Variants in SORCS1 observed in about 807,000 individuals in gnomAD.
The protein encoded by SORCS1 is VPS10 domain-containing receptor SorCS1.
Under a neutral mutation model 146.1 loss-of-function variants are expected in SORCS1, and 60 were observed. The ratio of observed to expected loss-of-function variants is 0.41; its 90% CI spans 0.33 to 0.51. SORCS1 has a LOEUF of 0.51. Among genes scored for constraint, SORCS1 ranks in the 20% least tolerant of loss-of-function variants. The pLI is 0.21. For missense variants in SORCS1, 1,352 were observed against 1,487.6 expected (o/e 0.91, Z 1.50); for synonymous variants, 637 against 584.0 (o/e 1.09, Z -1.31).
chr10:107,161,846 A>G (rs965384301), intron 1 of SORCS1, among the ~76,000 whole-genome samples: 3 of 152,246 alleles, frequency 2.0e-5, no homozygotes, highest in Non-Finnish European at 4.4e-5. Context: ...TACTTAAAAA[A>G]GAAAAAGAAG....
chr10:107,153,602 G>A (rs1046631384), intron 1 of SORCS1, among the ~76,000 whole-genome samples: 3 of 152,186 alleles, frequency 2.0e-5, no homozygotes, highest in Non-Finnish European at 4.4e-5. Context: ...AACAGACAGA[G>A]TGATCTTGCT....
intron 14 of SORCS1, among the ~76,000 whole-genome samples, chr10:106,674,800 A>T (rs1589636104): frequency 6.6e-6 from 1 of 152,180 alleles, no homozygotes; most frequent in African/African-American, 2.4e-5. Flanking sequence ...TTAAATGTAC[A>T]GCTTTATTTC....
intron 3 of SORCS1, among the ~76,000 whole-genome samples, chr10:106,782,288 C>T (rs1331252388): frequency 1.3e-5 from 2 of 152,274 alleles, no homozygotes; most frequent in East Asian, 3.9e-4. Context: ...TTTTTTAAGA[C>T]AAGATCTTGC....
At chr10:106,844,279 G>C (rs896569459) in intron 2 of SORCS1, among the ~76,000 whole-genome samples, 5 of 152,018 alleles carry the variant, frequency 3.3e-5, no homozygotes, top group African/African-American at 1.2e-4. Flanking sequence ...TATATATTGT[G>C]ATGATTGTTT....
chr10:107,174,807 T>G, the SORCS1 span, among the ~76,000 whole-genome samples: 6 of 152,124 alleles, frequency 3.9e-5, no homozygotes, highest in South Asian at 1.2e-3. Flanking sequence ...AATATGATAT[T>G]GAATAGAAAT....
chr10:106,721,756 T>A (rs531035572), intron 6 of SORCS1, among the ~76,000 whole-genome samples: 26 of 152,224 alleles, frequency 1.7e-4, no homozygotes, highest in Non-Finnish European at 1.6e-4. Context: ...CTTTCCGTAG[T>A]GTTTGCTGCT....
intron 17 of SORCS1, among the ~76,000 whole-genome samples, chr10:106,666,514 C>T (rs2135424792): frequency 6.6e-6 from 1 of 152,120 alleles, no homozygotes; most frequent in Non-Finnish European, 1.5e-5. Context: ...CCACCTACCT[C>T]CATAATCGAA....
At chr10:107,065,415 TTTTCTTTCTTTC>T (rs151043663) in intron 1 of SORCS1, among the ~76,000 whole-genome samples, 25 of 120,470 alleles carry the variant, frequency 2.1e-4, no homozygotes, top group African/African-American at 4.1e-4. Flanking sequence ...TCTCTCTTTC[TTTTCTTTCTTTC>T]TTTCTTTCTT....
chr10:106,617,105 C>G (rs1048307027), intron 21 of SORCS1, among the ~76,000 whole-genome samples: 1 of 152,016 alleles, frequency 6.6e-6, no homozygotes, highest in Admixed American at 6.6e-5. Context: ...CAGGCATGTT[C>G]CACCATGCCT....
At chr10:106,671,406 G>A (rs1193517018) in intron 15 of SORCS1, 39 bp from the exon 16 acceptor site, 3 of 1,612,090 alleles carry the variant, frequency 1.9e-6, no homozygotes, top group Non-Finnish European at 2.5e-6. Flanking sequence ...TGGGCACATA[G>A]CTTGGACTTT....
At chr10:106,843,265 C>A (rs143892461) in intron 2 of SORCS1, among the ~76,000 whole-genome samples, 78 of 152,226 alleles carry the variant, frequency 5.1e-4, no homozygotes, top group Non-Finnish European at 9.7e-4. Flanking sequence ...CAACCCCCAG[C>A]CACTAGTAAC....
intron 2 of SORCS1, among the ~76,000 whole-genome samples, chr10:106,897,867 A>G (rs570672393): frequency 1.3e-5 from 2 of 152,370 alleles, no homozygotes; most frequent in African/African-American, 4.8e-5. Context: ...TGGAACAAAC[A>G]TTCGGTGTCT....
chr10:106,876,371 T>C (rs1212922543), intron 2 of SORCS1, among the ~76,000 whole-genome samples: 2 of 152,196 alleles, frequency 1.3e-5, no homozygotes, highest in South Asian at 4.1e-4. Context: ...TACCAGGTTA[T>C]AAAATTCACT....
intron 2 of SORCS1, among the ~76,000 whole-genome samples, chr10:106,952,430 C>G (rs1954728705): frequency 6.6e-6 from 1 of 152,072 alleles, no homozygotes; most frequent in East Asian, 1.9e-4. Flanking sequence ...CCCACCCAGG[C>G]CTGTCCCACT....
At chr10:107,002,234 A>G (rs559939083) in intron 1 of SORCS1, among the ~76,000 whole-genome samples, 1 of 152,230 alleles carries the variant, frequency 6.6e-6, no homozygotes, top group Non-Finnish European at 1.5e-5. Context: ...GCCATGATTC[A>G]ATTTAAAATG....
intron 1 of SORCS1, among the ~76,000 whole-genome samples, chr10:107,064,755 CTT>C (rs1285270446): frequency 1.3e-5 from 2 of 152,172 alleles, no homozygotes; most frequent in Non-Finnish European, 2.9e-5. Flanking sequence ...CTCTACAAGA[CTT>C]TATTATACAT....
intron 19 of SORCS1, among the ~76,000 whole-genome samples, chr10:106,623,904 G>C (rs909018984): frequency 2.0e-5 from 3 of 151,950 alleles, no homozygotes; most frequent in Non-Finnish European, 4.4e-5. Flanking sequence ...GGCTGGTCTC[G>C]AACTCCTGAC....
chr10:107,047,504 T>A (rs1268727341), intron 1 of SORCS1, among the ~76,000 whole-genome samples: 1 of 152,224 alleles, frequency 6.6e-6, no homozygotes, highest in Non-Finnish European at 1.5e-5. Flanking sequence ...GTATCTATTT[T>A]ACGTAAGGAA....
At chr10:106,896,943 T>G (rs1432460985) in intron 2 of SORCS1, among the ~76,000 whole-genome samples, 1 of 145,704 alleles carries the variant, frequency 6.9e-6, no homozygotes, top group Non-Finnish European at 1.5e-5. Flanking sequence ...CAGGCTGGAG[T>G]GCAGTGGTGC....
Sources: gnomAD v4.1 joint callset for allele counts (sites outside exome capture counted in the v4.1 genomes callset) on GRCh38, gnomAD v4.1.1 for gene constraint, MANE v1.5 for transcripts, NCBI Gene and HGNC (gene_info 2026-07-23, HGNC 2026-07-21) for gene names.